ZNF148: variants seen among roughly 807,000 people sequenced by gnomAD.
ZNF148 encodes zinc finger protein 148.
A neutral mutation model predicts 67.7 loss-of-function variants in ZNF148; 7 were observed. The observed-to-expected ratio is 0.10, with a 90% CI of 0.06 to 0.19. The LOEUF is 0.19. ZNF148 is among the 10% of genes least tolerant of loss of function. The pLI is 1.00. For missense variants in ZNF148, 583 were observed against 947.1 expected, an observed-to-expected ratio of 0.62 and a Z score of 5.05; for synonymous variants, 333 against 330.7, an observed-to-expected ratio of 1.01 and a Z score of -0.08.
At chr3:125,371,567 G>A (rs1167666866) in intron 1 of ZNF148, among the ~76,000 whole-genome samples, 2 of 150,286 alleles carry the variant, frequency 1.3e-5, no homozygotes, top group African/African-American at 4.9e-5. Flanking sequence ...GCTGAGGCAG[G>A]AGAATTGCTT....
intron 1 of ZNF148, among the ~76,000 whole-genome samples, chr3:125,337,168 A>C (rs1014113954): frequency 1.3e-5 from 2 of 152,158 alleles, no homozygotes; most frequent in African/African-American, 4.8e-5. Flanking sequence ...CATCAAGTGA[A>C]AATTTTCACC....
At chr3:125,275,288 A>G (rs1406015308) in intron 7 of ZNF148, among the ~76,000 whole-genome samples, 2 of 152,194 alleles carry the variant, frequency 1.3e-5, no homozygotes, top group Non-Finnish European at 2.9e-5. Flanking sequence ...ATCTTCTTCT[A>G]CACTGTTCTC....
At chr3:125,342,008 G>GA (rs59017294) in intron 1 of ZNF148, among the ~76,000 whole-genome samples, 84,777 of 142,328 alleles carry the variant, frequency 0.6, 26,728 homozygotes, top group African/African-American at 0.77. Context: ...GCGGGGGGGG[G>GA]AATGGAAATC....
At chr3:125,346,223 A>G (rs1258464202) in intron 1 of ZNF148, among the ~76,000 whole-genome samples, 1 of 152,216 alleles carries the variant, frequency 6.6e-6, no homozygotes, top group Non-Finnish European at 1.5e-5. Flanking sequence ...AAAAACTTTT[A>G]TTTTTGGCAG....
chr3:125,280,685 A>T (rs1286800666), intron 5 of ZNF148, among the ~76,000 whole-genome samples: 2 of 151,904 alleles, frequency 1.3e-5, no homozygotes, highest in African/African-American at 2.4e-5. Flanking sequence ...ATCTCAAAAA[A>T]AAAAAAAAAT....
intron 7 of ZNF148, among the ~76,000 whole-genome samples, chr3:125,244,231 T>A (rs1936494555): frequency 6.6e-6 from 1 of 152,102 alleles, no homozygotes; most frequent in Non-Finnish European, 1.5e-5. Context: ...TTGCACACAA[T>A]CAGCTGTTTA....
intron 1 of ZNF148, among the ~76,000 whole-genome samples, chr3:125,336,639 C>G (rs890719479): frequency 2.7e-5 from 4 of 148,954 alleles, no homozygotes; most frequent in African/African-American, 9.9e-5. Flanking sequence ...CCAAGGATAA[C>G]CAACCAATAA....
At chr3:125,256,871 T>C (rs184384254) in intron 7 of ZNF148, among the ~76,000 whole-genome samples, 3 of 152,230 alleles carry the variant, frequency 2.0e-5, no homozygotes, top group African/African-American at 7.2e-5. Flanking sequence ...GTCTTTCAAT[T>C]CATTAATCTT....
intron 4 of ZNF148, among the ~76,000 whole-genome samples, chr3:125,306,578 T>C (rs994289371): frequency 1.3e-5 from 2 of 152,236 alleles, no homozygotes; most frequent in African/African-American, 4.8e-5. Flanking sequence ...AGCCTACTTA[T>C]GTTTTTTTAA....
intron 7 of ZNF148, among the ~76,000 whole-genome samples, chr3:125,240,778 A>C (rs1276487392): frequency 1.3e-5 from 2 of 150,178 alleles, no homozygotes; most frequent in Non-Finnish European, 2.9e-5. Flanking sequence ...AAAAAAAAAA[A>C]AACCAAAAAC....
chr3:125,239,891 C>A (rs576283855), intron 7 of ZNF148, among the ~76,000 whole-genome samples: 1 of 152,234 alleles, frequency 6.6e-6, no homozygotes, highest in East Asian at 1.9e-4. Flanking sequence ...TCCACAGTGA[C>A]AGAAAGTGAT....
intron 1 of ZNF148, among the ~76,000 whole-genome samples, chr3:125,374,106 T>TCTCAAGGTCTGCTTCAGAG (rs1399059271): frequency 6.6e-6 from 1 of 152,108 alleles, no homozygotes; most frequent in African/African-American, 2.4e-5. Context: ...CCAGACCCTT[T>TCTCAAGGTCTGCTTCAGAG]CTCAAGGTCT....
chr3:125,298,671 C>T (rs780679871), intron 4 of ZNF148, among the ~76,000 whole-genome samples: 1 of 132,176 alleles, frequency 7.6e-6, no homozygotes, highest in Non-Finnish European at 1.5e-5. Flanking sequence ...GTCGCCCAGG[C>T]TGGAGTGCAG....
chr3:125,248,615 A>G (rs931703355), intron 7 of ZNF148, among the ~76,000 whole-genome samples: 1 of 152,190 alleles, frequency 6.6e-6, no homozygotes, highest in Non-Finnish European at 1.5e-5. Flanking sequence ...TTGCCCACCC[A>G]TACGATGTCA....
chr3:125,263,586 C>T (rs1363460606), intron 7 of ZNF148, among the ~76,000 whole-genome samples: 1 of 151,788 alleles, frequency 6.6e-6, no homozygotes, highest in African/African-American at 2.4e-5. Context: ...AATTTTTGTC[C>T]CCAGGTCCAG....
At chr3:125,299,146 T>C (rs910641723) in intron 4 of ZNF148, among the ~76,000 whole-genome samples, 5 of 152,228 alleles carry the variant, frequency 3.3e-5, no homozygotes, top group African/African-American at 4.8e-5. Flanking sequence ...AGTCCTTTTA[T>C]AATAAAATGC....
intron 1 of ZNF148, among the ~76,000 whole-genome samples, chr3:125,350,935 G>C (rs533413126): frequency 5.9e-5 from 9 of 152,310 alleles, no homozygotes; most frequent in African/African-American, 1.4e-4. Context: ...GCCAGTCACA[G>C]GAGGCCAAAT....
At chr3:125,302,050 G>C (rs982946992) in intron 4 of ZNF148, among the ~76,000 whole-genome samples, 1 of 134,346 alleles carries the variant, frequency 7.4e-6, no homozygotes, top group Non-Finnish European at 1.6e-5. Flanking sequence ...GGGTGACAGG[G>C]CGAGACTCCA....
chr3:125,358,302 G>C (rs1942430715), intron 1 of ZNF148, among the ~76,000 whole-genome samples: 1 of 151,552 alleles, frequency 6.6e-6, no homozygotes, highest in Non-Finnish European at 1.5e-5. Flanking sequence ...AACAGAGCAA[G>C]ATGCCATCTC....
Sources: gnomAD v4.1 joint callset for allele counts (sites outside exome capture counted in the v4.1 genomes callset) on GRCh38, gnomAD v4.1.1 for gene constraint, MANE v1.5 for transcripts, NCBI Gene and HGNC (gene_info 2026-07-23, HGNC 2026-07-21) for gene names.